Variants in NALF1 observed in about 807,000 individuals in gnomAD.
NALF1 encodes NALCN channel auxiliary factor 1.
NALF1 carries 3 observed loss-of-function variants against 48.4 expected under a neutral mutation model. That is an observed-to-expected ratio of 0.06 (90% CI 0.03 to 0.16). The LOEUF (loss-of-function observed/expected upper bound fraction) is 0.16. NALF1 is among the 10% of genes least tolerant of loss of function. The pLI is 1.00. For missense variants in NALF1, 526 were observed against 571.5 expected (o/e 0.92, Z 0.81); for synonymous variants, 262 against 245.7 (o/e 1.07, Z -0.62).
intron 1 of NALF1, among the ~76,000 whole-genome samples, chr13:107,651,882 T>C (rs930968014): frequency 6.6e-6 from 1 of 152,214 alleles, no homozygotes; most frequent in African/African-American, 2.4e-5. Context: ...TCTCTGATGT[T>C]CAGTTCTTCA....
intron 1 of NALF1, among the ~76,000 whole-genome samples, chr13:107,749,976 T>G (rs2138551686): frequency 6.6e-6 from 1 of 152,182 alleles, no homozygotes; most frequent in East Asian, 1.9e-4. Flanking sequence ...TACGCGACAG[T>G]GCCCGGCTAA....
intron 1 of NALF1, among the ~76,000 whole-genome samples, chr13:107,728,578 T>C (rs574218972): frequency 3.3e-5 from 5 of 151,780 alleles, no homozygotes; most frequent in Admixed American, 2.0e-4. Context: ...AAATACCTAA[T>C]GCATGCGGGG....
chr13:107,734,409 AAC>A (rs35161339), intron 1 of NALF1, among the ~76,000 whole-genome samples: 1 of 149,208 alleles, frequency 6.7e-6, no homozygotes, highest in Non-Finnish European at 1.5e-5. Flanking sequence ...TTTAAAAAAA[AAC>A]ACACACACAC....
rs920002560 is a variant in NALF1 at position 107,377,569 on chromosome 13, C to T, written c.916-166814G>A. 3.4e-4 allele frequency among the ~76,000 whole-genome samples: 52 copies of T among 151,638 alleles called. 1 individual carries two copies. Among genetic ancestry groups the T allele is most frequent in the Non-Finnish European group, 5.9e-4 (40 of 67,912 alleles). ...GGAGGATCACTTGAGCCCAAGAGTT[C>T]GAAACCAGCCTAGGCAACATAAGGA... On this transcript the variant is annotated intron_variant, in intron 1 of 2. Transcript: ENST00000375915.
At chr13:107,769,622 A>G (rs1360808762) in intron 1 of NALF1, among the ~76,000 whole-genome samples, 10 of 151,448 alleles carry the variant, frequency 6.6e-5, no homozygotes, top group Admixed American at 6.6e-4. Context: ...GTACACCAGC[A>G]TGGCACATGT....
At chr13:107,561,945 G>A (rs1225386342) in intron 1 of NALF1, among the ~76,000 whole-genome samples, 1 of 152,092 alleles carries the variant, frequency 6.6e-6, no homozygotes, top group Admixed American at 6.5e-5. Flanking sequence ...AACTTTCCTA[G>A]GTTTGTCATT....
At chr13:107,203,843 A>G (rs1198913538) in intron 2 of NALF1, among the ~76,000 whole-genome samples, 1 of 152,256 alleles carries the variant, frequency 6.6e-6, no homozygotes, top group Non-Finnish European at 1.5e-5. Context: ...AAGCAGAAGG[A>G]TAACTTGAAC....
chr13:107,840,666 G>A (rs1377959870), intron 1 of NALF1, among the ~76,000 whole-genome samples: 2 of 152,154 alleles, frequency 1.3e-5, no homozygotes, highest in African/African-American at 4.8e-5. Flanking sequence ...CCTCGACAGT[G>A]AAGAGAGAAT....
intron 1 of NALF1, among the ~76,000 whole-genome samples, chr13:107,459,054 G>A (rs112360025): frequency 6.6e-6 from 1 of 151,722 alleles, no homozygotes; most frequent in Non-Finnish European, 1.5e-5. Context: ...AAAAAAAAAG[G>A]TAAGCTGCAC....
chr13:107,204,061 G>T (rs956638448), intron 2 of NALF1, among the ~76,000 whole-genome samples: 5 of 141,704 alleles, frequency 3.5e-5, no homozygotes, highest in Middle Eastern at 3.5e-3. Context: ...AGAGAGGGGC[G>T]CCCACAAGCT....
chr13:107,784,032 G>C (rs1266610991), intron 1 of NALF1, among the ~76,000 whole-genome samples: 1 of 152,166 alleles, frequency 6.6e-6, no homozygotes, highest in Non-Finnish European at 1.5e-5. Flanking sequence ...GTGAGTGACT[G>C]AGAGAAGACG....
At chr13:107,508,277 A>C (rs1875765417) in intron 1 of NALF1, among the ~76,000 whole-genome samples, 1 of 151,848 alleles carries the variant, frequency 6.6e-6, no homozygotes, top group Non-Finnish European at 1.5e-5. Context: ...TAAATGCTCT[A>C]AACTAATGCA....
At chr13:107,288,558 T>G (rs1881550866) in intron 1 of NALF1, among the ~76,000 whole-genome samples, 1 of 126,644 alleles carries the variant, frequency 7.9e-6, no homozygotes, top group East Asian at 2.4e-4. Context: ...GGTGTCTCGC[T>G]CTTGCTCTTG....
chr13:107,528,433 T>G (rs888369557), intron 1 of NALF1, among the ~76,000 whole-genome samples: 3 of 152,152 alleles, frequency 2.0e-5, no homozygotes, highest in Non-Finnish European at 2.9e-5. Flanking sequence ...GATTAAAACA[T>G]GTCCCTTTAA....
Position 107,163,666 on chromosome 13 carries a change from A to T in NALF1, c.*6831T>A, listed in dbSNP as rs2138754301. 6.6e-6 allele frequency: 1 copy of T among 152,290 alleles called. No individual in the cohort carries two copies. The highest frequency in any genetic ancestry group is 1.5e-5 in the Non-Finnish European group (1 of 68,014). The allele number at this position is 152,290 out of a possible 1,614,324, so 9.4% of individuals were successfully genotyped here. On this transcript the variant is annotated 3_prime_UTR_variant, in exon 3 of 3. Coordinates refer to ENST00000375915, the MANE Select transcript of NALF1 (RefSeq NM_001080396.3). The stretch of plus-strand genomic sequence containing the variant: ...ATAATTAACTGGTTTTAGTACTTTT[A>T]TTCCGTGTTCATATTCACATAAAAA...
At chr13:107,749,092 C>T (rs1255025710) in intron 1 of NALF1, among the ~76,000 whole-genome samples, 1 of 150,684 alleles carries the variant, frequency 6.6e-6, no homozygotes, top group Non-Finnish European at 1.5e-5. Context: ...GAGCTAAAAT[C>T]AATTTAGGAA....
At chr13:107,864,970 T>G (rs1880669900) in intron 1 of NALF1, among the ~76,000 whole-genome samples, 1 of 152,250 alleles carries the variant, frequency 6.6e-6, no homozygotes, top group Admixed American at 6.5e-5. Flanking sequence ...AAAATCAAGC[T>G]AATTACATAG....
chr13:107,338,907 C>T (rs760706229), intron 1 of NALF1, among the ~76,000 whole-genome samples: 5 of 151,890 alleles, frequency 3.3e-5, no homozygotes, highest in Non-Finnish European at 7.4e-5. Context: ...CTGAGGTGGG[C>T]GGATCACGAG....
intron 1 of NALF1, among the ~76,000 whole-genome samples, chr13:107,802,739 T>TAGCC (rs1263001268): frequency 3.3e-5 from 5 of 152,082 alleles, no homozygotes; most frequent in African/African-American, 1.2e-4. Flanking sequence ...TGTTAGGGTG[T>TAGCC]AGAAGGATAA....
Sources: allele counts gnomAD v4.1 joint callset (sites outside exome capture counted in the v4.1 genomes callset), GRCh38; gene constraint gnomAD v4.1.1; transcripts MANE v1.5; gene names NCBI Gene and HGNC (gene_info 2026-07-23, HGNC 2026-07-21).